The following UNC5A variants were observed in gnomAD, a reference collection of about 807,000 sequenced individuals.
UNC5A encodes netrin receptor UNC5A.
UNC5A carries 20 observed loss-of-function variants against 87.4 expected under a neutral mutation model. The ratio of observed to expected loss-of-function variants is 0.23; its 90% CI spans 0.16 to 0.33. The LOEUF (loss-of-function observed/expected upper bound fraction) is 0.33. Ranked by LOEUF, UNC5A falls within the 10% of genes least tolerant of loss-of-function variation. The probability of loss-of-function intolerance (pLI) is 1.00; values close to 1 mark genes in which losing one functional copy is unlikely to be tolerated. For synonymous variants in UNC5A, 438 were observed against 482.3 expected, an observed-to-expected ratio of 0.91 and a Z score of 1.20; for missense variants, 844 against 1,133.4, an observed-to-expected ratio of 0.74 and a Z score of 3.67.
intron 1 of UNC5A, among the ~76,000 whole-genome samples, chr5:176,853,157 A>G (rs1002250325): frequency 2.0e-5 from 3 of 152,188 alleles, no homozygotes; most frequent in Admixed American, 2.0e-4. Context: ...GTGAGTGCAG[A>G]GCATTTGAGA....
At chr5:176,837,768 C>T (rs529887540) in intron 1 of UNC5A, among the ~76,000 whole-genome samples, 1 of 152,162 alleles carries the variant, frequency 6.6e-6, no homozygotes, top group East Asian at 1.9e-4. Context: ...GGACATGGCA[C>T]ACTTTCAGCA....
chr5:176,860,970 C>A (rs2149363210), intron 1 of UNC5A, among the ~76,000 whole-genome samples: 1 of 152,232 alleles, frequency 6.6e-6, no homozygotes, highest in African/African-American at 2.4e-5. Context: ...GCCGGCGACC[C>A]AGCAGCGGAC....
chr5:176,857,653 G>A lies in UNC5A; in HGVS notation c.71-4971G>A, dbSNP rs374034517. 1.1e-3 allele frequency among the ~76,000 whole-genome samples: 160 copies of A among 152,314 alleles called. 1 individual carries two copies. The highest frequency in any genetic ancestry group is 2.1e-3 in the Non-Finnish European group (144 of 68,024). On this transcript the variant is annotated intron_variant, in intron 1 of 14. Transcript: ENST00000329542. ...AGCAGGGGCACCAGCTCCAGCTGAC[G>A]TGGGCAGCCAGTTCTCTCCTGAGAG...
rs529357574 is a variant in UNC5A, at chr5:176,852,325, TCACACACAGAAA to T, written c.71-10282_71-10271del. Among the ~76,000 whole-genome samples, 188 of 150,488 alleles carry T rather than the reference TCACACACAGAAA, an allele frequency of 1.2e-3. No homozygotes were observed. The South Asian group carries it at 0.019, about 16-fold the overall frequency. ...TACACCACACAGAAACACACACATA[TCACACACAGAAA>T]CACACACAGAAACACATACACACCC... On this transcript the variant is annotated intron_variant, in intron 1 of 14. Transcript: ENST00000329542.
chr5:176,864,827 G>A, intron 2 of UNC5A: 1 of 456,112 alleles, frequency 2.2e-6, no homozygotes, highest in Non-Finnish European at 4.4e-6. Flanking sequence ...GGGAGATAGA[G>A]AGGGTTGGCG....
At chr5:176,860,208 G>C (rs1301351269) in intron 1 of UNC5A, among the ~76,000 whole-genome samples, 1 of 152,296 alleles carries the variant, frequency 6.6e-6, no homozygotes, top group Non-Finnish European at 1.5e-5. Flanking sequence ...ACCTGCCACT[G>C]GGGGGGCTTG....
Position 176,869,355 on chromosome 5 carries a change from G to A in UNC5A, c.721+391G>A, listed in dbSNP as rs1278102420. On this transcript the variant is annotated intron_variant, in intron 5 of 14. Coordinates refer to ENST00000329542, the MANE Select transcript of UNC5A (RefSeq NM_133369.3). The surrounding 1 kb of genome is among the most constrained non-coding windows in gnomAD (Gnocchi z 9.1). Reference sequence around the variant, plus strand: ...CACCCCAGGAGAGGCTGGGGTCTGGGCTGCAGGAGTGTGTGAGCCGCGGTT... The same window carrying A: ...CACCCCAGGAGAGGCTGGGGTCTGGACTGCAGGAGTGTGTGAGCCGCGGTT... Among the ~76,000 whole-genome samples the A allele has an allele frequency of 6.6e-6, 1 of 152,136 alleles. No individual in the cohort carries two copies. Among genetic ancestry groups the A allele is most frequent in the Non-Finnish European group, 1.5e-5 (1 of 67,980 alleles).
chr5:176,851,384 C>T (rs1397393295), intron 1 of UNC5A, among the ~76,000 whole-genome samples: 1 of 152,222 alleles, frequency 6.6e-6, no homozygotes, highest in East Asian at 1.9e-4. Context: ...GGGCTCTGGT[C>T]CCCACCTTGC....
In UNC5A at chr5:176,862,564, G is replaced by A. The variant is rs557325068; in HGVS notation, c.71-60G>A. On this transcript the variant is annotated intron_variant, in intron 1 of 14. Transcript: ENST00000329542. ...CCACGGTGGAATCGTTTGCTGAGCC[G>A]CTGCCTCTACCCTGCCCAGTCTGGC... 74 of 1,510,954 alleles carry A rather than the reference G, an allele frequency of 4.9e-5. 1 individual carries two copies. Among genetic ancestry groups the A allele is most frequent in the Admixed American group, 4.6e-4 (25 of 54,366 alleles). The allele number at this position is 1,510,954 out of a possible 1,614,324, so 93.6% of individuals were successfully genotyped here. A position where few individuals can be genotyped will look rare whatever the true frequency, so the allele number is the denominator to read the frequency against.
chr5:176,833,846 C>T (rs1581250945), intron 1 of UNC5A, among the ~76,000 whole-genome samples: 3 of 151,712 alleles, frequency 2.0e-5, no homozygotes, highest in Admixed American at 1.3e-4. Flanking sequence ...GTAGCTGGGA[C>T]TACAGGCGCC....
chr5:176,877,723 G>T lies in UNC5A; in HGVS notation c.1635+20G>T. The T allele has an allele frequency of 6.3e-7, 1 of 1,575,876 alleles. No individual in the cohort carries two copies. ...TGGGAGGTGAGCAGGGAACTGACCC[G>T]GGCTCCAGAAGGGAACGTGGGCTAA... On this transcript the variant is annotated intron_variant, in intron 10 of 14. Coordinates refer to ENST00000329542, the MANE Select transcript of UNC5A (RefSeq NM_133369.3).
chr5:176,833,781 T>C (rs1174128013), intron 1 of UNC5A, among the ~76,000 whole-genome samples: 2 of 151,076 alleles, frequency 1.3e-5, no homozygotes, highest in African/African-American at 4.9e-5. Context: ...CGGTCTCCGC[T>C]CACTGCAAGC....
Position 176,879,838 on chromosome 5 carries a change from G to C in UNC5A, c.2481G>C (p.Leu827=), listed in dbSNP as rs1561673331. Residue 827 remains leucine (L), a synonymous_variant, in exon 15 of 15, where the codon CTG becomes CTC. Coordinates refer to ENST00000329542, the MANE Select transcript of UNC5A (RefSeq NM_133369.3). ...LSQLAAAVAG[L]GQPDAGLFTV... ...AGCTGGCTGCAGCAGTGGCTGGACT[G>C]GGCCAGCCAGACGCTGGCCTCTTCA... 1.9e-6 allele frequency: 3 copies of C among 1,612,492 alleles called. No individual in the cohort carries two copies. In the South Asian group the frequency reaches 3.3e-5, roughly 18 times the overall value.
chr5:176,874,557 C>G lies in UNC5A; in HGVS notation c.1369C>G (p.Pro457Ala). The G allele has an allele frequency of 6.4e-7, 1 of 1,553,172 alleles. No individual in the cohort carries two copies. The highest frequency in any genetic ancestry group is 2.3e-5 in the East Asian group (1 of 43,984). The change falls in exon 8 of 15, where the codon CCT (proline) becomes GCT (alanine). Residue 457 changes from proline to alanine, a missense_variant. Physicochemically the swap from Pro to Ala is conservative, Grantham distance 27. This residue lies in a region of UNC5A where 353 missense variants were observed against 387.5 expected (regional missense o/e 0.91). Transcript: ENST00000329542. This position sits in a 1 kb window ranked among gnomAD's most constrained non-coding sequence, Gnocchi z 7.6. ...CTTCCTCGGGGGCCGGCTGATGATC[C>G]CTAATACAGGTAGGAAGGACCCCAG... ...FNFLGGRLMI[P>A]NTGISLLIPP... is the part of the protein sequence containing the mutation.
chr5:176,877,688 C>T lies in UNC5A; in HGVS notation c.1620C>T (p.Cys540=), dbSNP rs755152279. The change falls in exon 10 of 15, where the codon TGC becomes TGT. Residue 540 remains cysteine, a synonymous_variant. Coordinates refer to ENST00000329542, the MANE Select transcript of UNC5A (RefSeq NM_133369.3). ...SWSLRLKKQS[C]EGSWEDVLHL... is the part of the protein sequence containing the mutation. ...GCCTGCGCCTCAAAAAGCAGTCGTGCGAGGGCAGCTGGGAGGTGAGCAGGG... is the reference window on the plus strand; with the variant it reads ...GCCTGCGCCTCAAAAAGCAGTCGTGTGAGGGCAGCTGGGAGGTGAGCAGGG... The T allele has an allele frequency of 6.2e-7, 1 of 1,604,630 alleles. No homozygotes were observed.
intron 1 of UNC5A, among the ~76,000 whole-genome samples, chr5:176,851,453 A>C (rs138554750): frequency 6.6e-6 from 1 of 152,202 alleles, no homozygotes. Context: ...CGGGGCACAC[A>C]TTAAACCAGT....
At position 176,879,761 on chromosome 5, in the gene UNC5A, A is replaced by G. The variant is rs768856511; in HGVS notation, c.2404A>G (p.Met802Val). Residue 802 changes from methionine to valine, a missense_variant, in exon 15 of 15, where the codon ATG becomes GTG. Physicochemically the swap from Met to Val is conservative, Grantham distance 21. This residue lies in a region of UNC5A where 177 missense variants were observed against 279.4 expected (regional missense o/e 0.63). Coordinates refer to ENST00000329542, the MANE Select transcript of UNC5A (RefSeq NM_133369.3). ...FFASKPSPTA[M>V]ILNLWEARHF... ...TGCCTCCAAGCCCAGCCCCACAGCC[A>G]TGATCCTCAACCTGTGGGAGGCGCG... 3.7e-6 allele frequency: 6 copies of G among 1,613,266 alleles called. No individual in the cohort carries two copies. Among genetic ancestry groups the G allele is most frequent in the East Asian group, 4.5e-5 (2 of 44,854 alleles).
chr5:176,824,141 G>T lies in UNC5A; in HGVS notation c.70+13321G>T, dbSNP rs948283390. ...TCTCCCGCCTGGAGGCGGAGGTGCG[G>T]CCCCGATGCCTCCCGGGTTGGAGGC... On this transcript the variant is annotated intron_variant, in intron 1 of 14. Transcript: ENST00000329542. The surrounding 1 kb of genome is among the most constrained non-coding windows in gnomAD (Gnocchi z 4.2). Among the ~76,000 whole-genome samples the T allele has an allele frequency of 1.3e-5, 2 of 152,384 alleles. No individual in the cohort carries two copies. Among genetic ancestry groups the T allele is most frequent in the Non-Finnish European group, 1.5e-5 (1 of 68,040 alleles).
chr5:176,838,003 GT>G lies in UNC5A; in HGVS notation c.71-24620del, dbSNP rs1757187264. 6.6e-6 allele frequency among the ~76,000 whole-genome samples: 1 copy of G among 152,152 alleles called. No individual in the cohort carries two copies. Among genetic ancestry groups the G allele is most frequent in the South Asian group, 2.1e-4 (1 of 4,832 alleles). On this transcript the variant is annotated intron_variant, in intron 1 of 14. Transcript: ENST00000329542. The surrounding 1 kb of genome is among the most constrained non-coding windows in gnomAD (Gnocchi z 4.2). The stretch of plus-strand genomic sequence containing the variant: ...AGCACATATACATCCAGTCACTGTT[GT>G]GCAAGAGTACACTACTGAACGGAAT...
Sources: allele counts gnomAD v4.1 joint callset (sites outside exome capture counted in the v4.1 genomes callset), GRCh38; gene constraint gnomAD v4.1.1; regional missense constraint gnomAD v4.1.1; non-coding constraint Gnocchi (gnomAD v3.1); transcripts MANE v1.5; gene names NCBI Gene and HGNC (gene_info 2026-07-23, HGNC 2026-07-21).